The following SHCBP1 variants were observed in gnomAD, a reference collection of about 807,000 sequenced individuals.
SHCBP1 encodes SHC SH2 domain-binding protein 1.
In SHCBP1, 60 loss-of-function variants were observed where a neutral mutation model predicts 75.1. That is an observed-to-expected ratio of 0.80 (90% CI 0.65 to 0.99). The LOEUF (loss-of-function observed/expected upper bound fraction) is 0.99. SHCBP1 is among the 50% of genes least tolerant of loss of function. The pLI is 0.00. For missense variants in SHCBP1, 709 were observed against 809.4 expected, an observed-to-expected ratio of 0.88 and a Z score of 1.50; for synonymous variants, 290 against 293.2, an observed-to-expected ratio of 0.99 and a Z score of 0.11.
At chr16:46,600,096 A>T in intron 8 of SHCBP1, 134 bp from the exon 9 acceptor site, 1 of 997,272 alleles carries the variant, frequency 1.0e-6, no homozygotes. Context: ...GCATTTAAAT[A>T]AAATCTATCT....
chr16:46,596,638 G>A (rs896642703), intron 9 of SHCBP1, among the ~76,000 whole-genome samples: 52 of 151,314 alleles, frequency 3.4e-4, no homozygotes, highest in Non-Finnish European at 5.2e-4. Context: ...GGCTAGTCTC[G>A]AACTCCTGAC....
chr16:46,615,911 G>A, intron 4 of SHCBP1, 35 bp downstream of exon 4: 1 of 1,605,144 alleles, frequency 6.2e-7, no homozygotes, highest in Non-Finnish European at 8.5e-7. Flanking sequence ...AAAGTTTCTG[G>A]CCACAAGGTT....
chr16:46,600,293 T>A (rs1037318516), intron 8 of SHCBP1, among the ~76,000 whole-genome samples: 4 of 152,048 alleles, frequency 2.6e-5, no homozygotes, highest in African/African-American at 9.7e-5. Flanking sequence ...ACAGTGAGAT[T>A]CCATCTCTAC....
At position 46,583,609 on chromosome 16, in the gene SHCBP1, T is replaced by C; in HGVS notation, c.1600A>G (p.Asn534Asp). The C allele has an allele frequency of 2.5e-6, 4 of 1,609,750 alleles. No homozygotes were observed. The highest frequency in any genetic ancestry group is 3.4e-6 in the Non-Finnish European group (4 of 1,178,872). ...YDIPKISMVNNIIHNNEGYGV... is the reference protein window; with the variant it reads ...YDIPKISMVNDIIHNNEGYGV... Reference sequence around the variant, plus strand: ...TAACCTTCATTATTATGTATTATATTATTCACCATGGATATCTTGGGAATG... The same window carrying C: ...TAACCTTCATTATTATGTATTATATCATTCACCATGGATATCTTGGGAATG... Residue 534 changes from asparagine to aspartate, a missense_variant, in exon 12 of 13, where the codon AAT (asparagine) becomes GAT (aspartate). Asn to Asp is a conservative substitution (Grantham distance 23). Transcript: ENST00000303383.
Position 46,581,394 on chromosome 16 carries a change from C to G in SHCBP1, c.*335G>C. 4.0e-6 allele frequency: 1 copy of G among 253,026 alleles called. No homozygotes were observed. The highest frequency in any genetic ancestry group is 7.6e-6 in the Non-Finnish European group (1 of 131,710). 15.7% of individuals were successfully genotyped at this position (253,026 alleles called of 1,614,324 possible). ...CATTTTTATGCACTAGTCTTGCATT[C>G]CCTTCCTTACTTCCTCGTCTTTGAA... On this transcript the variant is annotated 3_prime_UTR_variant, in exon 13 of 13. Coordinates refer to ENST00000303383, the MANE Select transcript of SHCBP1 (RefSeq NM_024745.5).
intron 3 of SHCBP1, 89 bp downstream of exon 3, chr16:46,617,545 T>C (rs774621170): frequency 1.0e-6 from 1 of 970,212 alleles, no homozygotes; most frequent in Non-Finnish European, 1.6e-6. Context: ...CTCATAAACT[T>C]TAATTAAAAA....
At chr16:46,605,587 C>T (rs769011878) in intron 5 of SHCBP1, among the ~76,000 whole-genome samples, 1 of 151,994 alleles carries the variant, frequency 6.6e-6, no homozygotes, top group African/African-American at 2.4e-5. Flanking sequence ...AGAGCAAGAC[C>T]CTGTCTCAAA....
At position 46,604,098 on chromosome 16, in the gene SHCBP1, A is replaced by T; in HGVS notation, c.969T>A (p.Gly323=). The change falls in exon 7 of 13, where the codon GGT becomes GGA. Residue 323 remains glycine (G), a synonymous_variant. Coordinates refer to ENST00000303383, the MANE Select transcript of SHCBP1 (RefSeq NM_024745.5). ...TGATCTTCTGACCGCTGGAACGGAC[A>T]CCCTTTGCTTGGATGTTAGAATTCT... The part of the protein sequence containing the change: ...YQKNSNIQAK[G]VRSSGQKITH... 6.2e-7 allele frequency: 1 copy of T among 1,614,174 alleles called. No individual in the cohort carries two copies. The highest frequency in any genetic ancestry group is 8.5e-7 in the Non-Finnish European group (1 of 1,180,014).
intron 1 of SHCBP1, among the ~76,000 whole-genome samples, chr16:46,619,824 T>G (rs1480530327): frequency 6.6e-6 from 1 of 152,106 alleles, no homozygotes; most frequent in African/African-American, 2.4e-5. Context: ...CACCTGAGGT[T>G]AGGAGCTCGA....
At position 46,617,692 on chromosome 16, in the gene SHCBP1, A is replaced by G. The variant is rs1965523293; in HGVS notation, c.329T>C (p.Leu110Pro). The G allele has an allele frequency of 1.2e-6, 2 of 1,613,508 alleles. No individual in the cohort carries two copies. The highest frequency in any genetic ancestry group is 1.7e-6 in the Non-Finnish European group (2 of 1,180,014). ...GACTGCCCGCCATCCAGATGGCTCA[A>G]GGACCTTCTCCAAGAACTCAGCTGT... ...EFTAEFLEKV[L>P]EPSGWRAVWH... Residue 110 changes from leucine (L) to proline (P), a missense_variant, in exon 3 of 13, where the codon CTT becomes CCT. Transcript: ENST00000303383.
intron 10 of SHCBP1, among the ~76,000 whole-genome samples, chr16:46,594,888 A>G (rs117178464): frequency 1.3e-5 from 2 of 152,346 alleles, no homozygotes; most frequent in Non-Finnish European, 2.9e-5. Flanking sequence ...ACAACCACAC[A>G]TTGGACTATT....
chr16:46,592,516 A>G (rs923841748), intron 10 of SHCBP1, among the ~76,000 whole-genome samples: 1 of 152,158 alleles, frequency 6.6e-6, no homozygotes, highest in South Asian at 2.1e-4. Flanking sequence ...AAATCCATCA[A>G]ACATCTGAAG....
chr16:46,605,239 A>G (rs1215717271), intron 5 of SHCBP1, among the ~76,000 whole-genome samples: 1 of 152,246 alleles, frequency 6.6e-6, no homozygotes, highest in African/African-American at 2.4e-5. Context: ...GATGCAATAA[A>G]ATAATTTGTA....
rs1278152931 is a variant in SHCBP1, at chr16:46,599,969, AAGAG to A, written c.1214-11_1214-8del. On this transcript the variant is annotated splice_polypyrimidine_tract_variant and splice_region_variant and intron_variant, in intron 8 of 12. Transcript: ENST00000303383. ...TCATCTGGTAGGCCATATCCTAAGGAAGAGAGAGCAACAACACTCAAGATGGGTG... is the reference window on the plus strand; with the variant it reads ...TCATCTGGTAGGCCATATCCTAAGGAAGAGCAACAACACTCAAGATGGGTG... 1 of 1,612,518 alleles carries A rather than the reference AAGAG, an allele frequency of 6.2e-7. No individual in the cohort carries two copies. The highest frequency in any genetic ancestry group is 8.5e-7 in the Non-Finnish European group (1 of 1,179,504).
intron 10 of SHCBP1, among the ~76,000 whole-genome samples, chr16:46,589,571 A>C (rs188191204): frequency 6.6e-6 from 1 of 152,234 alleles, no homozygotes; most frequent in Non-Finnish European, 1.5e-5. Context: ...ACTCCCATTC[A>C]AAATTGCTTC....
intron 9 of SHCBP1, among the ~76,000 whole-genome samples, chr16:46,597,947 T>C (rs1338741334): frequency 6.6e-6 from 1 of 152,238 alleles, no homozygotes; most frequent in Non-Finnish European, 1.5e-5. Flanking sequence ...TCTTCGCTCA[T>C]CCATAAGAAG....
At chr16:46,595,920 GA>G (rs914829797) in intron 9 of SHCBP1, among the ~76,000 whole-genome samples, 26 of 148,302 alleles carry the variant, frequency 1.8e-4, no homozygotes, top group African/African-American at 5.2e-4. Context: ...TCCATTACCA[GA>G]AAAAAAAAGC....
intron 10 of SHCBP1, among the ~76,000 whole-genome samples, chr16:46,586,848 G>T (rs1428598894): frequency 6.6e-6 from 1 of 152,020 alleles, no homozygotes; most frequent in Non-Finnish European, 1.5e-5. Flanking sequence ...TATAACCAGT[G>T]AAAATATTCT....
intron 11 of SHCBP1, 123 bp from the exon 12 acceptor site, chr16:46,583,780 A>G: frequency 8.4e-7 from 1 of 1,189,196 alleles, no homozygotes; most frequent in South Asian, 1.5e-5. Flanking sequence ...CCCATGTTGT[A>G]GCACAGTCTG....
Sources: gnomAD v4.1 joint callset for allele counts (sites outside exome capture counted in the v4.1 genomes callset) on GRCh38, gnomAD v4.1.1 for gene constraint, MANE v1.5 for transcripts, NCBI Gene and HGNC (gene_info 2026-07-23, HGNC 2026-07-21) for gene names.